The following MAGI2 variants were observed in gnomAD, a reference collection of about 807,000 sequenced individuals.
MAGI2 encodes membrane-associated guanylate kinase, WW and PDZ domain-containing protein 2.
In MAGI2, 35 loss-of-function variants were observed where a neutral mutation model predicts 133.3. That is an observed-to-expected ratio of 0.26 (90% CI 0.20 to 0.35). The LOEUF (loss-of-function observed/expected upper bound fraction) is 0.35, where lower values mean the gene tolerates loss of function less well. Among genes scored for constraint, MAGI2 ranks in the 10% least tolerant of loss-of-function variants. The pLI, the probability that MAGI2 is intolerant of heterozygous loss-of-function variation, is 1.00. For missense variants in MAGI2, 1,636 were observed against 1,863.4 expected, an observed-to-expected ratio of 0.88 and a Z score of 2.25; for synonymous variants, 729 against 710.6, an observed-to-expected ratio of 1.03 and a Z score of -0.41.
At position 78,019,589 on chromosome 7, in the gene MAGI2, C is replaced by T. The variant is rs867188532; in HGVS notation, c.4094G>A (p.Gly1365Glu). ...CGCCGCCGCACGGGGCGCCTCCTTC[C>T]CGCCCGCCCGCGCCGCGTCCGCCGC... ...ADAADAARAGGKEAPRAAAGS... is the reference protein window; with the variant it reads ...ADAADAARAGEKEAPRAAAGS... The change falls in exon 22 of 22, where the codon GGG becomes GAG. Residue 1365 changes from glycine to glutamate, a missense_variant. Physicochemically the swap from Gly to Glu is moderately conservative, Grantham distance 98. Coordinates refer to ENST00000354212, the MANE Select transcript of MAGI2 (RefSeq NM_012301.4). 57 of 980,770 alleles carry T rather than the reference C, an allele frequency of 5.8e-5. No homozygotes were observed. The highest frequency in any genetic ancestry group is 1.0e-3 in the Middle Eastern group (2 of 1,910). 60.8% of individuals were successfully genotyped at this position (980,770 alleles called of 1,614,324 possible). A position where few individuals can be genotyped will look rare whatever the true frequency, so the allele number is the denominator to read the frequency against.
intron 1 of MAGI2, among the ~76,000 whole-genome samples, chr7:79,087,258 T>A (rs1816598058): frequency 6.6e-6 from 1 of 151,716 alleles, no homozygotes; most frequent in Non-Finnish European, 1.5e-5. Flanking sequence ...TCATTTAGAG[T>A]CAAATTCTGA....
chr7:78,268,011 A>T (rs1794186864), intron 9 of MAGI2, among the ~76,000 whole-genome samples: 1 of 152,122 alleles, frequency 6.6e-6, no homozygotes, highest in Admixed American at 6.6e-5. Flanking sequence ...CCTCTGTACG[A>T]CTATTGAACA....
At position 78,344,011 on chromosome 7, in the gene MAGI2, T is replaced by C. The variant is rs751829498; in HGVS notation, c.1226-51A>G. On this transcript the variant is annotated intron_variant, in intron 8 of 21. Transcript: ENST00000354212. Reference sequence around the variant, plus strand: ...AAGAAAAAGGCATGTTCAAGTCAAGTTCTCAGACAAGAGAAAGCCAGCCCC... The same window carrying C: ...AAGAAAAAGGCATGTTCAAGTCAAGCTCTCAGACAAGAGAAAGCCAGCCCC... 16 of 1,551,060 alleles carry C rather than the reference T, an allele frequency of 1.0e-5. No homozygotes were observed. The South Asian group carries it at 1.4e-4, about 14-fold the overall frequency.
chr7:79,446,554 T>A (rs1053762122), intron 1 of MAGI2, among the ~76,000 whole-genome samples: 1 of 152,100 alleles, frequency 6.6e-6, no homozygotes, highest in Non-Finnish European at 1.5e-5. Context: ...ATGGAGAAAT[T>A]ATTTCCCCAG....
At chr7:79,139,504 C>T (rs995706816) in intron 1 of MAGI2, among the ~76,000 whole-genome samples, 1 of 152,206 alleles carries the variant, frequency 6.6e-6, no homozygotes, top group Non-Finnish European at 1.5e-5. Context: ...AAGGATCCCA[C>T]TCTGATACAC....
chr7:78,623,788 C>T (rs868006364), intron 3 of MAGI2, among the ~76,000 whole-genome samples: 15 of 152,138 alleles, frequency 9.9e-5, no homozygotes, highest in South Asian at 2.1e-4. Flanking sequence ...CATTGTGTAA[C>T]GACATTTTGG....
intron 8 of MAGI2, among the ~76,000 whole-genome samples, chr7:78,344,296 G>A (rs1790680892): frequency 6.6e-6 from 1 of 152,188 alleles, no homozygotes; most frequent in South Asian, 2.1e-4. Context: ...AAGAGGACAA[G>A]GAGCCCAAAT....
At chr7:78,542,340 T>C (rs1798481342) in intron 3 of MAGI2, among the ~76,000 whole-genome samples, 2 of 152,186 alleles carry the variant, frequency 1.3e-5, no homozygotes, top group African/African-American at 4.8e-5. Flanking sequence ...TTTCCAGGTA[T>C]AGGTATCATT....
At chr7:78,576,873 C>T (rs146023285) in intron 3 of MAGI2, among the ~76,000 whole-genome samples, 58 of 152,128 alleles carry the variant, frequency 3.8e-4, no homozygotes, top group African/African-American at 1.3e-3. Flanking sequence ...CTGAGGCAGG[C>T]GTATTACTTG....
intron 2 of MAGI2, among the ~76,000 whole-genome samples, chr7:78,718,138 C>T (rs377547119): frequency 4.6e-5 from 7 of 152,192 alleles, no homozygotes; most frequent in African/African-American, 9.7e-5. Context: ...GGCAACTAGG[C>T]TTGATGCCTA....
intron 5 of MAGI2, among the ~76,000 whole-genome samples, chr7:78,493,566 G>C (rs992121438): frequency 6.6e-6 from 1 of 152,096 alleles, no homozygotes; most frequent in Non-Finnish European, 1.5e-5. Context: ...TAAACAGCTA[G>C]TGCGTGAAAC....
At chr7:79,292,274 T>C (rs909466967) in intron 1 of MAGI2, among the ~76,000 whole-genome samples, 4 of 152,182 alleles carry the variant, frequency 2.6e-5, no homozygotes, top group South Asian at 2.1e-4. Context: ...TATTTACTTA[T>C]TTATTTATTT....
At chr7:79,446,946 C>T (rs1470170349) in intron 1 of MAGI2, among the ~76,000 whole-genome samples, 4 of 151,164 alleles carry the variant, frequency 2.6e-5, no homozygotes, top group African/African-American at 7.3e-5. Flanking sequence ...AGCGAGACTC[C>T]GTCTCAAAAA....
chr7:79,187,543 A>G (rs944764996), intron 1 of MAGI2, among the ~76,000 whole-genome samples: 1 of 151,916 alleles, frequency 6.6e-6, no homozygotes, highest in Non-Finnish European at 1.5e-5. Flanking sequence ...ATTTTCAACA[A>G]TAACTATTTT....
At chr7:78,176,195 T>C (rs546667042) in intron 14 of MAGI2, among the ~76,000 whole-genome samples, 8 of 152,292 alleles carry the variant, frequency 5.3e-5, no homozygotes, top group African/African-American at 1.9e-4. Context: ...ATTTAGTCTC[T>C]GAATAAATTT....
chr7:78,685,033 C>G (rs151258914), intron 2 of MAGI2, among the ~76,000 whole-genome samples: 1 of 152,158 alleles, frequency 6.6e-6, no homozygotes, highest in Non-Finnish European at 1.5e-5. Context: ...TATAGCAGGA[C>G]CGATTTAACA....
At chr7:79,427,291 T>C (rs1014203775) in intron 1 of MAGI2, among the ~76,000 whole-genome samples, 8 of 152,192 alleles carry the variant, frequency 5.3e-5, no homozygotes, top group African/African-American at 1.4e-4. Context: ...GATGGGTTGA[T>C]AGGTGCAGCA....
intron 9 of MAGI2, among the ~76,000 whole-genome samples, chr7:78,311,971 A>G (rs1798749310): frequency 2.0e-5 from 3 of 152,028 alleles, no homozygotes; most frequent in Non-Finnish European, 2.9e-5. Flanking sequence ...GGGTTTCACC[A>G]TGTTGGCCAG....
chr7:78,134,975 G>A, intron 17 of MAGI2, 46 bp downstream of exon 17: 1 of 1,560,320 alleles, frequency 6.4e-7, no homozygotes, highest in Non-Finnish European at 8.8e-7. Flanking sequence ...CGGTGAGTGT[G>A]TCCATGTGTT....
Sources: gnomAD v4.1 joint callset for allele counts (sites outside exome capture counted in the v4.1 genomes callset) on GRCh38, gnomAD v4.1.1 for gene constraint, MANE v1.5 for transcripts, NCBI Gene and HGNC (gene_info 2026-07-23, HGNC 2026-07-21) for gene names.